Variants in MAGI2 observed in about 807,000 individuals in gnomAD.
The protein encoded by MAGI2 is membrane-associated guanylate kinase, WW and PDZ domain-containing protein 2.
MAGI2 carries 35 observed loss-of-function variants against 133.3 expected under a neutral mutation model. The observed-to-expected ratio is 0.26, with a 90% confidence interval of 0.20 to 0.35. The LOEUF (loss-of-function observed/expected upper bound fraction) is 0.35. Ranked by LOEUF, MAGI2 falls within the 10% of genes least tolerant of loss-of-function variation. The pLI, the probability that MAGI2 is intolerant of heterozygous loss-of-function variation, is 1.00. For missense variants in MAGI2, 1,636 were observed against 1,863.4 expected (o/e 0.88, Z 2.25); for synonymous variants, 729 against 710.6 (o/e 1.03, Z -0.41).
intron 6 of MAGI2, among the ~76,000 whole-genome samples, chr7:78,408,621 A>G (rs1228371437): frequency 2.0e-5 from 3 of 152,086 alleles, no homozygotes; most frequent in African/African-American, 7.2e-5. Flanking sequence ...TGTAGGATCC[A>G]ATTTGGCAGT....
At chr7:79,361,187 A>G (rs555272154) in intron 1 of MAGI2, among the ~76,000 whole-genome samples, 2 of 152,338 alleles carry the variant, frequency 1.3e-5, no homozygotes, top group African/African-American at 2.4e-5. Context: ...ATATGTATGC[A>G]TCACACAATA....
intron 20 of MAGI2, among the ~76,000 whole-genome samples, chr7:78,114,767 T>C (rs1031660872): frequency 3.9e-5 from 6 of 152,170 alleles, no homozygotes; most frequent in Non-Finnish European, 7.3e-5. Context: ...CAGGACTGTG[T>C]GGCAGTGGCA....
intron 3 of MAGI2, chr7:78,615,666 A>G (rs1807005522): frequency 6.6e-6 from 1 of 152,234 alleles, no homozygotes; most frequent in African/African-American, 2.4e-5. Flanking sequence ...CATGGAGGTA[A>G]AAGAGAAGAA....
chr7:78,881,120 G>T (rs1333612298), intron 2 of MAGI2, among the ~76,000 whole-genome samples: 1 of 152,122 alleles, frequency 6.6e-6, no homozygotes, highest in African/African-American at 2.4e-5. Flanking sequence ...CACAGTAATA[G>T]TGGGGGATTT....
At chr7:78,364,078 A>G (rs1793128215) in intron 7 of MAGI2, among the ~76,000 whole-genome samples, 1 of 151,988 alleles carries the variant, frequency 6.6e-6, no homozygotes, top group African/African-American at 2.4e-5. Context: ...AAGATCTCAC[A>G]GCTGGCGAGC....
intron 2 of MAGI2, among the ~76,000 whole-genome samples, chr7:78,733,126 C>T (rs977305003): frequency 6.6e-6 from 1 of 152,170 alleles, no homozygotes; most frequent in Non-Finnish European, 1.5e-5. Context: ...GTACAGAGTA[C>T]ATGTGAGGTT....
chr7:78,583,683 C>A (rs1803090052), intron 3 of MAGI2, among the ~76,000 whole-genome samples: 1 of 151,938 alleles, frequency 6.6e-6, no homozygotes, highest in Non-Finnish European at 1.5e-5. Flanking sequence ...CAAGCAGTAG[C>A]CAAAATGGGT....
At chr7:78,730,247 C>G (rs936484622) in intron 2 of MAGI2, among the ~76,000 whole-genome samples, 2 of 152,004 alleles carry the variant, frequency 1.3e-5, no homozygotes, top group African/African-American at 2.4e-5. Context: ...GAGTTACTAT[C>G]TTGTGTAATA....
At chr7:78,902,304 G>A (rs929312811) in intron 2 of MAGI2, among the ~76,000 whole-genome samples, 3 of 152,110 alleles carry the variant, frequency 2.0e-5, no homozygotes, top group African/African-American at 7.2e-5. Flanking sequence ...CATATTGCTG[G>A]CTGGTAAACT....
chr7:78,636,722 C>T (rs1809692061), intron 2 of MAGI2, among the ~76,000 whole-genome samples: 1 of 152,020 alleles, frequency 6.6e-6, no homozygotes, highest in African/African-American at 2.4e-5. Context: ...GGCGTGAACC[C>T]GGGAGGCGGG....
Position 78,934,278 on chromosome 7 carries a change from A to AT in MAGI2, c.418+72811dup, listed in dbSNP as rs575718555. 2.9e-4 allele frequency among the ~76,000 whole-genome samples: 44 copies of AT among 152,006 alleles called. No individual in the cohort carries two copies. In the South Asian group the frequency reaches 5.8e-3, roughly 20 times the overall value. On this transcript the variant is annotated intron_variant, in intron 2 of 21. Coordinates refer to ENST00000354212, the MANE Select transcript of MAGI2 (RefSeq NM_012301.4). ...CACCACACCCAGCTATTATTTTGGTATTTTCAGTAGAGACAGCGTTTTACT... is the reference window on the plus strand; with the variant it reads ...CACCACACCCAGCTATTATTTTGGTATTTTTCAGTAGAGACAGCGTTTTACT...
At chr7:78,158,968 G>A (rs1305360938) in intron 16 of MAGI2, among the ~76,000 whole-genome samples, 1 of 151,708 alleles carries the variant, frequency 6.6e-6, no homozygotes, top group African/African-American at 2.4e-5. Flanking sequence ...AACCAGGTCT[G>A]CCATCCCACC....
intron 1 of MAGI2, among the ~76,000 whole-genome samples, chr7:79,284,914 A>T (rs1358472): frequency 0.84 from 127,922 of 151,986 alleles, 53,910 homozygotes; most frequent in Middle Eastern, 0.86. Context: ...AGAGGATTCT[A>T]ATATACATCT....
intron 3 of MAGI2, among the ~76,000 whole-genome samples, chr7:78,581,692 G>A (rs186777499): frequency 6.6e-6 from 1 of 152,272 alleles, no homozygotes; most frequent in East Asian, 1.9e-4. Flanking sequence ...GACAGATTAA[G>A]AGAGAAAGCA....
intron 1 of MAGI2, among the ~76,000 whole-genome samples, chr7:79,378,528 T>C (rs1450573187): frequency 6.6e-6 from 1 of 151,592 alleles, no homozygotes; most frequent in Non-Finnish European, 1.5e-5. Context: ...GGCAGGGTTT[T>C]TTTTTAATGG....
At chr7:78,483,668 G>A (rs1792663402) in intron 6 of MAGI2, among the ~76,000 whole-genome samples, 2 of 151,780 alleles carry the variant, frequency 1.3e-5, no homozygotes, top group Admixed American at 6.6e-5. Flanking sequence ...TAAAATGTTG[G>A]TATTTCTGAG....
chr7:78,822,421 T>C (rs991230560), intron 2 of MAGI2, among the ~76,000 whole-genome samples: 2 of 152,144 alleles, frequency 1.3e-5, no homozygotes, highest in African/African-American at 4.8e-5. Flanking sequence ...AAGAATTGTA[T>C]AAGGTGCAGC....
At chr7:79,206,028 T>C (rs1365397094) in intron 1 of MAGI2, among the ~76,000 whole-genome samples, 1 of 151,104 alleles carries the variant, frequency 6.6e-6, no homozygotes, top group Non-Finnish European at 1.5e-5. Flanking sequence ...AAAAGAGATA[T>C]ATGAAAATGG....
Position 78,135,038 on chromosome 7 carries a change from C to T in MAGI2, c.3014G>A (p.Arg1005His), listed in dbSNP as rs751367419. 1.1e-5 allele frequency: 17 copies of T among 1,613,834 alleles called. No individual in the cohort carries two copies. The highest frequency in any genetic ancestry group is 2.7e-5 in the African/African-American group (2 of 74,904). Residue 1005 changes from arginine (R) to histidine (H), a missense_variant, in exon 17 of 22, where the codon CGC becomes CAC. This residue lies in a region of MAGI2 where 920 missense variants were observed against 1,093.5 expected (regional missense o/e 0.84). Transcript: ENST00000354212. ...GCACTCACCCTCCTGAGGAATGATG[C>T]GAAGGGTGACACTAAGACCTGCATC... ...IKDAGLSVTLRIIPQEELNSP... is the reference protein window; with the variant it reads ...IKDAGLSVTLHIIPQEELNSP...
Sources: allele counts gnomAD v4.1 joint callset (sites outside exome capture counted in the v4.1 genomes callset), GRCh38; gene constraint gnomAD v4.1.1; regional missense constraint gnomAD v4.1.1; transcripts MANE v1.5; gene names NCBI Gene and HGNC (gene_info 2026-07-23, HGNC 2026-07-21).